EYS: variants seen among roughly 807,000 people sequenced by gnomAD.
EYS encodes the protein EGF-like photoreceptor maintenance factor.
Under a neutral mutation model 282.1 loss-of-function variants are expected in EYS, and 250 were observed. The observed-to-expected ratio is 0.89, with a 90% confidence interval of 0.80 to 0.98. The LOEUF is 0.98. EYS is among the 50% of genes least tolerant of loss of function. EYS has a pLI of 0.00. For synonymous variants in EYS, 1,355 were observed against 1,282.9 expected (o/e 1.06, Z -1.20); for missense variants, 4,016 against 3,709.0 (o/e 1.08, Z -2.15).
chr6:65,013,558 T>C (rs1189959515), intron 13 of EYS, among the ~76,000 whole-genome samples: 1 of 152,150 alleles, frequency 6.6e-6, no homozygotes, highest in African/African-American at 2.4e-5. Context: ...CTAGTGTACA[T>C]ACCCCATGTA....
intron 11 of EYS, among the ~76,000 whole-genome samples, chr6:65,310,325 T>C (rs1410960075): frequency 6.6e-6 from 1 of 152,010 alleles, no homozygotes; most frequent in Non-Finnish European, 1.5e-5. Flanking sequence ...GCCTGGGTGA[T>C]GGAGTGAGAC....
At chr6:65,289,227 A>G (rs1349186933) in intron 12 of EYS, among the ~76,000 whole-genome samples, 1 of 151,066 alleles carries the variant, frequency 6.6e-6, no homozygotes, top group Admixed American at 6.6e-5. Flanking sequence ...GCTAAATAAT[A>G]TAGCTCAAAA....
intron 10 of EYS, among the ~76,000 whole-genome samples, chr6:65,339,715 T>C (rs1470886629): frequency 2.0e-5 from 3 of 151,066 alleles, no homozygotes; most frequent in African/African-American, 7.3e-5. Flanking sequence ...TGAGTTATTA[T>C]TGAGTTTGCA....
chr6:64,221,555 G>T (rs1323830438), intron 31 of EYS, among the ~76,000 whole-genome samples: 1 of 152,080 alleles, frequency 6.6e-6, no homozygotes, highest in Non-Finnish European at 1.5e-5. Flanking sequence ...TATAGCAACA[G>T]AAAATGGGCT....
chr6:64,210,993 C>T (rs889873848), intron 31 of EYS, among the ~76,000 whole-genome samples: 4 of 152,174 alleles, frequency 2.6e-5, no homozygotes, highest in Non-Finnish European at 4.4e-5. Flanking sequence ...AATGGCCTTC[C>T]AGGTTTTCAG....
At chr6:64,740,850 A>G (rs1176678300) in intron 22 of EYS, among the ~76,000 whole-genome samples, 1 of 151,618 alleles carries the variant, frequency 6.6e-6, no homozygotes, top group Non-Finnish European at 1.5e-5. Context: ...AGTAGCTGGG[A>G]CTACAGGCGC....
chr6:65,356,405 G>A (rs753960622), intron 8 of EYS, among the ~76,000 whole-genome samples: 5 of 152,012 alleles, frequency 3.3e-5, no homozygotes, highest in Non-Finnish European at 7.4e-5. Flanking sequence ...TAAGTATTCT[G>A]TAACAACCTT....
chr6:64,293,283 T>A (rs759124295), intron 30 of EYS, among the ~76,000 whole-genome samples: 3 of 152,114 alleles, frequency 2.0e-5, no homozygotes, highest in Non-Finnish European at 2.9e-5. Context: ...TTCTAGATAG[T>A]TACCACAAAT....
intron 14 of EYS, among the ~76,000 whole-genome samples, chr6:64,983,387 C>A (rs549285771): frequency 6.6e-5 from 10 of 150,948 alleles, no homozygotes; most frequent in Admixed American, 3.3e-4. Flanking sequence ...ATAAGAAATG[C>A]GGGAGCATAT....
At chr6:64,242,095 A>G (rs991677620) in intron 30 of EYS, among the ~76,000 whole-genome samples, 4 of 152,102 alleles carry the variant, frequency 2.6e-5, no homozygotes, top group Non-Finnish European at 5.9e-5. Context: ...TACGTGGTCA[A>G]TTTGAGAATA....
intron 34 of EYS, among the ~76,000 whole-genome samples, chr6:63,987,341 C>A (rs773541334): frequency 5.9e-5 from 9 of 151,638 alleles, no homozygotes; most frequent in Non-Finnish European, 1.0e-4. Flanking sequence ...TAAGAGGGAA[C>A]TGATACTGAG....
chr6:64,110,092 G>A (rs773576426), intron 31 of EYS, among the ~76,000 whole-genome samples: 3 of 151,896 alleles, frequency 2.0e-5, no homozygotes, highest in Admixed American at 6.6e-5. Flanking sequence ...TTGGATTAAG[G>A]ATAAAAATAC....
chr6:64,658,371 C>G (rs1269922121), intron 22 of EYS, among the ~76,000 whole-genome samples: 5 of 152,178 alleles, frequency 3.3e-5, no homozygotes, highest in African/African-American at 1.2e-4. Flanking sequence ...CATTCTCCGT[C>G]CAGCATTGTT....
At chr6:63,862,825 A>T (rs1581907027) in intron 36 of EYS, among the ~76,000 whole-genome samples, 1 of 118,636 alleles carries the variant, frequency 8.4e-6, no homozygotes, top group East Asian at 2.6e-4. Context: ...TTCTTGTAAT[A>T]TAACCCTGCC....
intron 31 of EYS, among the ~76,000 whole-genome samples, chr6:64,181,702 C>T (rs183151249): frequency 1.7e-4 from 26 of 152,100 alleles, no homozygotes; most frequent in Admixed American, 1.5e-3. Context: ...CACTAAAAAA[C>T]GTGTTTTTTA....
chr6:64,261,496 G>A (rs761211754), intron 30 of EYS, among the ~76,000 whole-genome samples: 23 of 152,136 alleles, frequency 1.5e-4, no homozygotes, highest in Non-Finnish European at 2.2e-4. Flanking sequence ...TCCAGAACTT[G>A]CACATAAATG....
intron 26 of EYS, among the ~76,000 whole-genome samples, chr6:64,562,761 A>G (rs1202885405): frequency 6.6e-6 from 1 of 151,950 alleles, no homozygotes; most frequent in African/African-American, 2.4e-5. Flanking sequence ...AATTAATATC[A>G]GTATTAATAA....
chr6:65,379,352 C>G (rs1167264430), intron 8 of EYS, among the ~76,000 whole-genome samples: 1 of 152,038 alleles, frequency 6.6e-6, no homozygotes, highest in Non-Finnish European at 1.5e-5. Flanking sequence ...ATAAACAGAA[C>G]CAATGACAAA....
At chr6:64,024,309 T>C (rs1203977343) in intron 33 of EYS, among the ~76,000 whole-genome samples, 2 of 152,080 alleles carry the variant, frequency 1.3e-5, no homozygotes, top group African/African-American at 2.4e-5. Flanking sequence ...ATTGACACTA[T>C]GTATCTAGCT....
Sources: allele counts gnomAD v4.1 joint callset (sites outside exome capture counted in the v4.1 genomes callset), GRCh38; gene constraint gnomAD v4.1.1; transcripts MANE v1.5; gene names NCBI Gene and HGNC (gene_info 2026-07-23, HGNC 2026-07-21).